TMIGD3: variants seen among roughly 807,000 people sequenced by gnomAD.
The protein encoded by TMIGD3 is AD026 protein (AD026).
Under a neutral mutation model 28.1 loss-of-function variants are expected in TMIGD3, and 21 were observed. That is an observed-to-expected ratio of 0.75 (90% CI 0.53 to 1.08). TMIGD3 has a LOEUF of 1.08. Ranked by LOEUF, TMIGD3 falls within the 50% of genes least tolerant of loss-of-function variation. The probability of loss-of-function intolerance (pLI) is 0.00; values close to 1 mark genes in which losing one functional copy is unlikely to be tolerated. For missense variants in TMIGD3, 416 were observed against 435.6 expected, an observed-to-expected ratio of 0.96 and a Z score of 0.40; for synonymous variants, 151 against 162.1, an observed-to-expected ratio of 0.93 and a Z score of 0.52.
At chr1:111,504,765 G>A, upstream of TMIGD3, 1 of 687,704 alleles carries the variant, frequency 1.5e-6, no homozygotes, top group Non-Finnish European at 1.8e-6. Flanking sequence ...GGGCTCATCA[G>A]GGTCCTCTTG....
intron 1 of TMIGD3, 29 bp from the exon 2 acceptor site, chr1:111,490,791 C>A (rs1166628355): frequency 6.5e-7 from 1 of 1,529,088 alleles, no homozygotes; most frequent in South Asian, 1.1e-5. Flanking sequence ...TATGCTTGAG[C>A]TTAATATGGC....
intron 1 of TMIGD3, among the ~76,000 whole-genome samples, chr1:111,533,806 C>T (rs1325511168): frequency 3.9e-5 from 6 of 152,152 alleles, no homozygotes; most frequent in African/African-American, 9.7e-5. Flanking sequence ...CCACCCACCT[C>T]GGCCCCTAAA....
chr1:111,485,648 A>G, intron 5 of TMIGD3, 92 bp downstream of exon 5: 1 of 986,408 alleles, frequency 1.0e-6, no homozygotes, highest in Non-Finnish European at 1.5e-6. Context: ...CAATATGAAG[A>G]GGCTCTCATT....
At chr1:111,555,217 C>G (rs1182092670) in intron 1 of TMIGD3, among the ~76,000 whole-genome samples, 1 of 151,422 alleles carries the variant, frequency 6.6e-6, no homozygotes, top group Non-Finnish European at 1.5e-5. Flanking sequence ...AACACAAAAA[C>G]TAGCTGAGTG....
upstream of TMIGD3, chr1:111,504,183 A>G: frequency 1.0e-6 from 1 of 960,566 alleles, no homozygotes; most frequent in Non-Finnish European, 1.2e-6. Context: ...AGCACCTCTG[A>G]GAAGCATCAC....
intron 1 of TMIGD3, among the ~76,000 whole-genome samples, chr1:111,542,853 T>C (rs1450589138): frequency 6.6e-6 from 1 of 152,048 alleles, no homozygotes; most frequent in Non-Finnish European, 1.5e-5. Flanking sequence ...TGAACCACCA[T>C]GGCTGGCTAG....
intron 1 of TMIGD3, among the ~76,000 whole-genome samples, chr1:111,492,650 C>A (rs1654720503): frequency 6.6e-6 from 1 of 152,016 alleles, no homozygotes; most frequent in Admixed American, 6.6e-5. Flanking sequence ...CCCATCTCTA[C>A]TATAAATACA....
chr1:111,503,766 C>A, upstream of TMIGD3: 1 of 1,020,448 alleles, frequency 9.8e-7, no homozygotes, highest in Non-Finnish European at 1.2e-6. Flanking sequence ...GTGAGATGGG[C>A]CAAGAGGAAG....
chr1:111,537,505 A>C (rs1410729874), intron 1 of TMIGD3, among the ~76,000 whole-genome samples: 3 of 152,236 alleles, frequency 2.0e-5, no homozygotes. Context: ...ATATGTTCAT[A>C]AAGCACTCTT....
chr1:111,504,144 A>G (rs955758655), upstream of TMIGD3: 2 of 985,298 alleles, frequency 2.0e-6, no homozygotes, highest in Non-Finnish European at 1.2e-6. Flanking sequence ...GGATAAGCAA[A>G]GATTCCCTGC....
chr1:111,528,926 T>C (rs1313532648), intron 1 of TMIGD3, among the ~76,000 whole-genome samples: 1 of 152,030 alleles, frequency 6.6e-6, no homozygotes, highest in Non-Finnish European at 1.5e-5. Context: ...GTTTATTCTT[T>C]GGAATTTTCT....
intron 1 of TMIGD3, among the ~76,000 whole-genome samples, chr1:111,491,556 C>T (rs553174843): frequency 2.0e-5 from 3 of 152,188 alleles, no homozygotes; most frequent in South Asian, 2.1e-4. Flanking sequence ...GCAATAATGT[C>T]CTCTCTGGAG....
intron 1 of TMIGD3, among the ~76,000 whole-genome samples, chr1:111,512,028 T>C (rs1380798326): frequency 6.6e-6 from 1 of 152,198 alleles, no homozygotes; most frequent in Non-Finnish European, 1.5e-5. Flanking sequence ...CAGCCAGGTT[T>C]CTTTGCTAGC....
intron 1 of TMIGD3, among the ~76,000 whole-genome samples, chr1:111,524,745 G>C (rs569338466): frequency 7.9e-5 from 12 of 151,878 alleles, no homozygotes; most frequent in African/African-American, 2.9e-4. Flanking sequence ...TCAGCCTCTC[G>C]AGTAGCTGGG....
At chr1:111,500,351 T>C (rs769231293) in intron 1 of TMIGD3, 4 of 1,614,002 alleles carry the variant, frequency 2.5e-6, no homozygotes, top group Non-Finnish European at 3.4e-6. Context: ...GGGATGAAAA[T>C]CCAGGTGAGG....
intron 1 of TMIGD3, among the ~76,000 whole-genome samples, chr1:111,524,296 TG>T (rs1035521168): frequency 3.9e-5 from 6 of 152,178 alleles, no homozygotes; most frequent in Non-Finnish European, 8.8e-5. Context: ...CCTAAGGTGC[TG>T]GGATTACAGG....
upstream of TMIGD3, chr1:111,503,647 C>G (rs1200097424): frequency 8.7e-7 from 1 of 1,154,372 alleles, no homozygotes; most frequent in Non-Finnish European, 1.1e-6. Flanking sequence ...TCTGAAAGTG[C>G]TGCTGCTCTT....
At chr1:111,540,103 A>G (rs945053430) in intron 1 of TMIGD3, among the ~76,000 whole-genome samples, 9 of 152,232 alleles carry the variant, frequency 5.9e-5, no homozygotes, top group African/African-American at 2.2e-4. Flanking sequence ...CTTGATTACA[A>G]TTGCTAATTG....
At chr1:111,507,555 CCA>C (rs1655552199), upstream of TMIGD3, among the ~76,000 whole-genome samples, 1 of 152,152 alleles carries the variant, frequency 6.6e-6, no homozygotes, top group Non-Finnish European at 1.5e-5. Context: ...CTAAAAAACC[CCA>C]GTTGCCAGCC....
Sources: allele counts gnomAD v4.1 joint callset (sites outside exome capture counted in the v4.1 genomes callset), GRCh38; gene constraint gnomAD v4.1.1; transcripts MANE v1.5; gene names NCBI Gene and HGNC (gene_info 2026-07-23, HGNC 2026-07-21).